The following PRH1 variants were observed in gnomAD, a reference collection of about 807,000 sequenced individuals.
PRH1 encodes the protein salivary acidic proline-rich phosphoprotein 1/2.
Under a neutral mutation model 7.9 loss-of-function variants are expected in PRH1, and 7 were observed. That is an observed-to-expected ratio of 0.89 (90% CI 0.50 to 1.67). The LOEUF (loss-of-function observed/expected upper bound fraction) is 1.67, where lower values mean the gene tolerates loss of function less well. Ranked by LOEUF, PRH1 falls within the 40% of genes most tolerant of loss-of-function variation. PRH1 has a pLI of 0.00. For missense variants in PRH1, 109 were observed against 223.6 expected, an observed-to-expected ratio of 0.49 and a Z score of 3.27; for synonymous variants, 45 against 80.8, an observed-to-expected ratio of 0.56 and a Z score of 2.38.
At chr12:10,934,528 A>T (rs1307347950) in intron 2 of PRH1, among the ~76,000 whole-genome samples, 1 of 152,124 alleles carries the variant, frequency 6.6e-6, no homozygotes, top group Non-Finnish European at 1.5e-5. Flanking sequence ...AGAGAGCTCC[A>T]ATGTCTAAAT....
intron 1 of PRH1, among the ~76,000 whole-genome samples, chr12:11,000,938 C>T (rs1219066164): frequency 6.6e-6 from 1 of 152,046 alleles, no homozygotes; most frequent in African/African-American, 2.4e-5. Flanking sequence ...TATGGAGAAG[C>T]AGAACAAAGC....
At chr12:11,016,854 G>A (rs1192055137) in intron 1 of PRH1, among the ~76,000 whole-genome samples, 1 of 152,136 alleles carries the variant, frequency 6.6e-6, no homozygotes, top group Non-Finnish European at 1.5e-5. Context: ...CTCCTCCACT[G>A]GCAACAATGA....
At chr12:11,073,129 T>C (rs2136213372) in intron 1 of PRH1, among the ~76,000 whole-genome samples, 1 of 105,008 alleles carries the variant, frequency 9.5e-6, no homozygotes, top group Admixed American at 9.6e-5. Context: ...AATCCATTTA[T>C]TTATTTATAT....
intron 1 of PRH1, among the ~76,000 whole-genome samples, chr12:11,149,879 G>A (rs1380299378): frequency 7.3e-6 from 1 of 137,806 alleles, no homozygotes; most frequent in Non-Finnish European, 1.6e-5. Flanking sequence ...AGAGTGAACA[G>A]GCAACCTACA....
intron 1 of PRH1, among the ~76,000 whole-genome samples, chr12:11,112,762 A>G (rs560266461): frequency 2.0e-5 from 3 of 152,346 alleles, no homozygotes; most frequent in African/African-American, 4.8e-5. Context: ...GCCATCTCTC[A>G]CCACTCCTGT....
chr12:11,048,239 C>T (rs1300158533), upstream of PRH1: 2 of 152,168 alleles, frequency 1.3e-5, no homozygotes, highest in Non-Finnish European at 2.9e-5. Context: ...AATATATACA[C>T]TAAGGAAAAA....
Position 11,090,814 on chromosome 12 carries a change from T to C in PRH1, n.124-43626A>G, listed in dbSNP as rs538903747. Among the ~76,000 whole-genome samples, 148 of 115,456 alleles carry C rather than the reference T, an allele frequency of 1.3e-3. 35 individuals carry two copies. Among genetic ancestry groups the C allele is most frequent in the Middle Eastern group, 3.9e-3 (1 of 258 alleles). The allele number at this position is 115,456 out of a possible 152,430, so 75.7% of individuals were successfully genotyped here. A position where few individuals can be genotyped will look rare whatever the true frequency, so the allele number is the denominator to read the frequency against. On this transcript the variant is annotated intron_variant and non_coding_transcript_variant, in intron 1 of 4. Transcript: ENST00000541977. ...AGAATTGAATGACCTTACCATCCAATAAATTTGAGGTTCAAGCAATGAATT... is the reference window on the plus strand; with the variant it reads ...AGAATTGAATGACCTTACCATCCAACAAATTTGAGGTTCAAGCAATGAATT...
At chr12:11,102,078 G>T (rs1397048765) in intron 1 of PRH1, among the ~76,000 whole-genome samples, 3 of 152,138 alleles carry the variant, frequency 2.0e-5, no homozygotes, top group Non-Finnish European at 4.4e-5. Context: ...CATGCTCATG[G>T]ATAGGAAGAA....
At position 11,101,116 on chromosome 12, in the gene PRH1, G is replaced by C. The variant is rs147800984; in HGVS notation, n.124-53928C>G. On this transcript the variant is annotated intron_variant and non_coding_transcript_variant, in intron 1 of 4. Transcript: ENST00000541977. ...TATCAATCATGGATATTCAAATTTT[G>C]ATGTTTCAAATTCATATTAGCACTA... Among the ~76,000 whole-genome samples the C allele has an allele frequency of 5.9e-4, 90 of 152,138 alleles. No individual in the cohort carries two copies. In the East Asian group the frequency reaches 0.014, roughly 23 times the overall value.
At chr12:11,153,082 A>G (rs1947148111) in intron 1 of PRH1, among the ~76,000 whole-genome samples, 1 of 152,198 alleles carries the variant, frequency 6.6e-6, no homozygotes, top group African/African-American at 2.4e-5. Flanking sequence ...TTGTCCATAG[A>G]TGATCACTTA....
At chr12:11,025,283 C>T (rs1301419728) in intron 1 of PRH1, among the ~76,000 whole-genome samples, 1 of 147,862 alleles carries the variant, frequency 6.8e-6, no homozygotes, top group Non-Finnish European at 1.5e-5. Flanking sequence ...TTTGTATTTT[C>T]AGTAATTTTA....
At chr12:11,167,229 G>C (rs963950132) in intron 1 of PRH1, among the ~76,000 whole-genome samples, 1 of 152,106 alleles carries the variant, frequency 6.6e-6, no homozygotes, top group Admixed American at 6.5e-5. Flanking sequence ...GTAAGCATTC[G>C]GTAGAAGCCC....
Position 11,028,330 on chromosome 12 carries a change from T to C in PRH1, c.-126+18690A>G, listed in dbSNP as rs554079697. 4.6e-5 allele frequency among the ~76,000 whole-genome samples: 7 copies of C among 152,336 alleles called. No individual in the cohort carries two copies. In the East Asian group the frequency reaches 1.4e-3, roughly 29 times the overall value. ...GACTAATGCCAGCTGTGGTTTCCCC[T>C]TGTAGCCCTTCTGGAAAAGTGCTGG... On this transcript the variant is annotated intron_variant, in intron 1 of 3. Transcript: ENST00000539853.
chr12:11,052,531 T>A (rs1295583801), intron 1 of PRH1, among the ~76,000 whole-genome samples: 1 of 152,184 alleles, frequency 6.6e-6, no homozygotes, highest in Non-Finnish European at 1.5e-5. Flanking sequence ...ACTAAAGATA[T>A]ATGCTGGGAT....
At chr12:11,117,343 A>C (rs529317819), downstream of PRH1, among the ~76,000 whole-genome samples, 2 of 152,204 alleles carry the variant, frequency 1.3e-5, no homozygotes, top group African/African-American at 4.8e-5. Flanking sequence ...AATACCTGAA[A>C]ATTAACTCAG....
At position 11,074,094 on chromosome 12, in the gene PRH1, G is replaced by C. The variant is rs1194019311; in HGVS notation, n.124-26906C>G. 4.4e-5 allele frequency among the ~76,000 whole-genome samples: 6 copies of C among 135,720 alleles called. 1 individual carries two copies. Among genetic ancestry groups the C allele is most frequent in the Admixed American group, 1.5e-4 (2 of 13,450 alleles). 89.0% of individuals were successfully genotyped at this position (135,720 alleles called of 152,430 possible). A position where few individuals can be genotyped will look rare whatever the true frequency, so the allele number is the denominator to read the frequency against. ...CCTCAGATTCCCTTGACTCTCTCCT[G>C]TTCCCATGGTCAGCACCTTGCCTGA... On this transcript the variant is annotated intron_variant and non_coding_transcript_variant, in intron 1 of 4. Transcript: ENST00000541977.
At chr12:11,031,380 C>G (rs756754676) in intron 1 of PRH1, 1 of 1,588,620 alleles carries the variant, frequency 6.3e-7, no homozygotes, top group Admixed American at 1.8e-5. Context: ...GGTGTTGTGT[C>G]CGGAGTTGGT....
intron 1 of PRH1, among the ~76,000 whole-genome samples, chr12:11,070,378 CCACA>C (rs1944009800): frequency 1.3e-5 from 2 of 149,370 alleles, no homozygotes; most frequent in African/African-American, 4.9e-5. Context: ...TAGCAGGCTA[CCACA>C]CATGTGAGCA....
chr12:11,077,588 G>C, intron 1 of PRH1: 1 of 1,299,558 alleles, frequency 7.7e-7, no homozygotes, highest in Non-Finnish European at 1.1e-6. Flanking sequence ...TTGGTGCTGA[G>C]ATCTTGAGAT....
Sources: gnomAD v4.1 joint callset for allele counts (sites outside exome capture counted in the v4.1 genomes callset) on GRCh38, gnomAD v4.1.1 for gene constraint, MANE v1.5 for transcripts, NCBI Gene and HGNC (gene_info 2026-07-23, HGNC 2026-07-21) for gene names.